NDRG2: variants seen among roughly 807,000 people sequenced by gnomAD.
The protein encoded by NDRG2 is NDRG family member 2, also known as protein NDRG2.
NDRG2 carries 34 observed loss-of-function variants against 58.2 expected under a neutral mutation model. The ratio of observed to expected loss-of-function variants is 0.58; its 90% CI spans 0.44 to 0.78. The LOEUF (loss-of-function observed/expected upper bound fraction) is 0.78, where lower values mean the gene tolerates loss of function less well. NDRG2 is among the 30% of genes least tolerant of loss of function. NDRG2 has a pLI of 0.00. For missense variants in NDRG2, 434 were observed against 471.2 expected (o/e 0.92, Z 0.73); for synonymous variants, 187 against 175.9 (o/e 1.06, Z -0.50).
At chr14:21,023,372 C>G (rs150596480) in intron 1 of NDRG2, 51 bp from the exon 2 acceptor site, 1 of 1,494,810 alleles carries the variant, frequency 6.7e-7, no homozygotes, top group Admixed American at 1.8e-5. Context: ...ATCCCCACAT[C>G]GCCTCAAACA....
At chr14:21,019,498 G>T (rs1323716770) in intron 10 of NDRG2, 141 bp downstream of exon 10, 3 of 636,818 alleles carry the variant, frequency 4.7e-6, no homozygotes, top group African/African-American at 1.8e-5. Flanking sequence ...TCCTGAAGCT[G>T]CCCCCATTGC....
chr14:21,039,832 C>T (rs897753264), intron 1 of NDRG2, among the ~76,000 whole-genome samples: 3 of 152,192 alleles, frequency 2.0e-5, no homozygotes, highest in Non-Finnish European at 4.4e-5. Flanking sequence ...CAGCCTTCTA[C>T]GCAGCCCAGC....
chr14:21,041,941 C>T (rs1270251238), intron 1 of NDRG2, among the ~76,000 whole-genome samples: 1 of 152,194 alleles, frequency 6.6e-6, no homozygotes, highest in Non-Finnish European at 1.5e-5. Context: ...CCAGACAAAG[C>T]ATCTTTCTAG....
At chr14:21,065,873 C>T (rs570774053) in intron 1 of NDRG2, among the ~76,000 whole-genome samples, 46 of 152,264 alleles carry the variant, frequency 3.0e-4, no homozygotes, top group Middle Eastern at 3.4e-3. Flanking sequence ...CCAAGGTGGG[C>T]GGATCACCTG....
chr14:21,053,349 C>A (rs943645494), intron 1 of NDRG2, among the ~76,000 whole-genome samples: 1 of 152,028 alleles, frequency 6.6e-6, no homozygotes, highest in African/African-American at 2.4e-5. Context: ...GCACTTTGGC[C>A]GGGCGCAGTG....
chr14:21,039,392 C>T (rs1884790886), intron 1 of NDRG2, among the ~76,000 whole-genome samples: 1 of 152,170 alleles, frequency 6.6e-6, no homozygotes, highest in African/African-American at 2.4e-5. Flanking sequence ...ACTTTTTCTT[C>T]CCTTCTGTCT....
intron 3 of NDRG2, 177 bp downstream of exon 3, chr14:21,022,687 G>T: frequency 3.0e-6 from 2 of 670,424 alleles, no homozygotes; most frequent in Non-Finnish European, 5.1e-6. Context: ...AAAGAATAAT[G>T]AAGATTAGAG....
intron 12 of NDRG2, 117 bp downstream of exon 12, chr14:21,018,646 G>A: frequency 6.4e-7 from 1 of 1,565,788 alleles, no homozygotes; most frequent in Non-Finnish European, 8.6e-7. Context: ...AATTCTTAGT[G>A]CCCCAAAGTT....
At chr14:21,040,587 G>A (rs1479722889) in intron 1 of NDRG2, among the ~76,000 whole-genome samples, 3 of 152,204 alleles carry the variant, frequency 2.0e-5, no homozygotes, top group East Asian at 3.8e-4. Flanking sequence ...AAAAGCCACA[G>A]GCCTTCAAAT....
chr14:21,058,857 G>A (rs78537461), intron 1 of NDRG2, among the ~76,000 whole-genome samples: 6,978 of 152,306 alleles, frequency 0.046, 186 homozygotes, highest in South Asian at 0.13. Flanking sequence ...GTTGCTGATG[G>A]AGTGTGTGTT....
chr14:21,070,762 A>C lies in NDRG2; in HGVS notation c.24+66T>G. ...GGTCCGAGCTCCTTACCCGCGGGAGACCCCTGCGGGTTGGTCCTGCAGCGA... is the reference window on the plus strand; with the variant it reads ...GGTCCGAGCTCCTTACCCGCGGGAGCCCCCTGCGGGTTGGTCCTGCAGCGA... On this transcript the variant is annotated intron_variant, in intron 1 of 14. Transcript: ENST00000403829. The surrounding 1 kb of genome is among the most constrained non-coding windows in gnomAD (Gnocchi z 4.7). 1 of 1,491,912 alleles carries C rather than the reference A, an allele frequency of 6.7e-7. No individual in the cohort carries two copies. The highest frequency in any genetic ancestry group is 1.2e-5 in the South Asian group (1 of 82,922). The allele number at this position is 1,491,912 out of a possible 1,614,324, so 92.4% of individuals were successfully genotyped here. A position where few individuals can be genotyped will look rare whatever the true frequency, so the allele number is the denominator to read the frequency against.
In NDRG2 at chr14:21,018,058, C is replaced by T. The variant is rs1395766721; in HGVS notation, c.898-20G>A. 6.8e-6 allele frequency: 11 copies of T among 1,611,842 alleles called. No homozygotes were observed. Among genetic ancestry groups the T allele is most frequent in the Admixed American group, 5.0e-5 (3 of 60,004 alleles). On this transcript the variant is annotated intron_variant, in intron 14 of 15. Coordinates refer to ENST00000556147, the MANE Select transcript of NDRG2 (RefSeq NM_001320329.2). The stretch of plus-strand genomic sequence containing the variant: ...GCCTGGCTGCGGAAGTAAGAAGAGG[C>T]GAGGGAGACGGTGAGATGAGGTTAG...
chr14:21,068,280 T>C (rs1232163890), intron 1 of NDRG2, among the ~76,000 whole-genome samples: 1 of 12,230 alleles, frequency 8.2e-5, no homozygotes, highest in African/African-American at 1.2e-4. Context: ...ATTACAGGCG[T>C]GAGCCACCGC....
rs192495926 is a variant in NDRG2, at chr14:21,020,472, C to A, written c.555+24G>T. 7.8e-5 allele frequency: 125 copies of A among 1,604,882 alleles called. No homozygotes were observed. The African/African-American group carries it at 1.4e-3, about 18-fold the overall frequency. Reference sequence around the variant, plus strand: ...TACGAGGGGATCCCCAACCGTAGGTCTCAGCACACAGGCCCCTCCAAACCT... The same window carrying A: ...TACGAGGGGATCCCCAACCGTAGGTATCAGCACACAGGCCCCTCCAAACCT... On this transcript the variant is annotated intron_variant, in intron 8 of 15. Coordinates refer to ENST00000556147, the MANE Select transcript of NDRG2 (RefSeq NM_001320329.2).
At position 21,038,742 on chromosome 14, in the gene NDRG2, G is replaced by A. The variant is rs560465502; in HGVS notation, c.25-15421C>T. Reference sequence around the variant, plus strand: ...TTGCTCTGTAGATAAATGGGGAGCTGGGAGGGCTTGTGAGACAAGGCCCCA... The same window carrying A: ...TTGCTCTGTAGATAAATGGGGAGCTAGGAGGGCTTGTGAGACAAGGCCCCA... On this transcript the variant is annotated intron_variant, in intron 1 of 14. Transcript: ENST00000403829. Among the ~76,000 whole-genome samples the A allele has an allele frequency of 9.2e-5, 14 of 152,290 alleles. 2 individuals are homozygous for A. In the South Asian group the frequency reaches 2.9e-3, roughly 32 times the overall value.
At chr14:21,036,731 C>T (rs939048751) in intron 1 of NDRG2, among the ~76,000 whole-genome samples, 1 of 152,230 alleles carries the variant, frequency 6.6e-6, no homozygotes, top group Non-Finnish European at 1.5e-5. Flanking sequence ...CCGTTCCTCG[C>T]CCCCATCTAT....
intron 1 of NDRG2, chr14:21,042,857 G>A (rs2139113872): frequency 2.8e-6 from 2 of 714,856 alleles, no homozygotes; most frequent in South Asian, 3.8e-5. Context: ...GAGACACAAA[G>A]TGAGGAAAGG....
chr14:21,068,716 G>A (rs1952511), intron 1 of NDRG2, among the ~76,000 whole-genome samples: 5,497 of 152,266 alleles, frequency 0.036, 318 homozygotes, highest in African/African-American at 0.12. Context: ...GTGTTAGAAA[G>A]AGCTCCAACT....
In NDRG2 at chr14:21,018,982, G is replaced by C. The variant is rs1402422513; in HGVS notation, c.761+134C>G. 2.4e-6 allele frequency: 3 copies of C among 1,255,678 alleles called. No homozygotes were observed. In the Admixed American group the frequency reaches 7.0e-5, roughly 29 times the overall value. The allele number at this position is 1,255,678 out of a possible 1,614,324, so 77.8% of individuals were successfully genotyped here. ...TCAAAGGGGGAAGACCTAGAGGGAA[G>C]TGATTTACCAAATAGGATGGGGTGG... On this transcript the variant is annotated intron_variant, in intron 11 of 15. Transcript: ENST00000556147.
Sources: gnomAD v4.1 joint callset for allele counts (sites outside exome capture counted in the v4.1 genomes callset) on GRCh38, gnomAD v4.1.1 for gene constraint, Gnocchi (gnomAD v3.1) non-coding constraint, MANE v1.5 for transcripts, NCBI Gene and HGNC (gene_info 2026-07-23, HGNC 2026-07-21) for gene names.